The following MAD1L1 variants were observed in gnomAD, a reference collection of about 807,000 sequenced individuals.
MAD1L1 encodes mitotic arrest deficient 1 like 1, also known as mitotic spindle assembly checkpoint protein MAD1.
In MAD1L1, 95 loss-of-function variants were observed where a neutral mutation model predicts 96.9. The ratio of observed to expected loss-of-function variants is 0.98; its 90% CI spans 0.83 to 1.16. The LOEUF (loss-of-function observed/expected upper bound fraction) is 1.16. MAD1L1 is among the 50% of genes most tolerant of loss of function. The pLI is 0.00. For synonymous variants in MAD1L1, 473 were observed against 396.6 expected (o/e 1.19, Z -2.29); for missense variants, 1,007 against 954.4 (o/e 1.06, Z -0.73).
intron 10 of MAD1L1, among the ~76,000 whole-genome samples, chr7:2,161,536 G>A (rs1441324116): frequency 3.3e-5 from 5 of 152,246 alleles, no homozygotes; most frequent in Middle Eastern, 3.4e-3. Context: ...CCCCATCTAG[G>A]AAGTGAGGAG....
At chr7:1,972,231 C>G (rs10258118) in intron 15 of MAD1L1, among the ~76,000 whole-genome samples, 7,024 of 152,230 alleles carry the variant, frequency 0.046, 552 homozygotes, top group African/African-American at 0.16. Context: ...CACACATGCA[C>G]CCCCGTGCCT....
At chr7:1,887,916 TG>T (rs1386941007) in intron 18 of MAD1L1, among the ~76,000 whole-genome samples, 206 of 147,510 alleles carry the variant, frequency 1.4e-3, no homozygotes, top group South Asian at 2.9e-3. Flanking sequence ...TGTGCATGCA[TG>T]GCTGCGGCTG....
intron 10 of MAD1L1, among the ~76,000 whole-genome samples, chr7:2,168,761 C>T (rs548451416): frequency 2.4e-4 from 36 of 152,362 alleles, no homozygotes; most frequent in African/African-American, 7.7e-4. Flanking sequence ...CACCAAGGAG[C>T]TCTGGGAGGG....
chr7:1,839,529 G>T (rs1459233297), intron 18 of MAD1L1, among the ~76,000 whole-genome samples: 3 of 152,198 alleles, frequency 2.0e-5, no homozygotes, highest in Non-Finnish European at 4.4e-5. Flanking sequence ...CTTCACAAAG[G>T]CTCCAAAAAC....
At chr7:2,019,852 C>T (rs1782707568) in intron 12 of MAD1L1, among the ~76,000 whole-genome samples, 2 of 152,228 alleles carry the variant, frequency 1.3e-5, no homozygotes. Context: ...AACGCTTCGC[C>T]TCCTGTCTGT....
chr7:1,895,476 G>A (rs989077860), intron 18 of MAD1L1, among the ~76,000 whole-genome samples: 3 of 152,248 alleles, frequency 2.0e-5, no homozygotes, highest in East Asian at 3.8e-4. Context: ...AGCCCCGCCT[G>A]CAAACATCAA....
intron 18 of MAD1L1, among the ~76,000 whole-genome samples, chr7:1,836,694 A>G (rs1782952945): frequency 6.6e-6 from 1 of 152,242 alleles, no homozygotes; most frequent in Non-Finnish European, 1.5e-5. Flanking sequence ...GCAGGCTGAC[A>G]AAGATGCAAA....
intron 11 of MAD1L1, among the ~76,000 whole-genome samples, chr7:2,121,812 G>A (rs3778980): frequency 0.18 from 26,752 of 152,088 alleles, 2,846 homozygotes; most frequent in Middle Eastern, 0.33. Context: ...CCCTCCAGAC[G>A]GTGAGGTGTG....
At chr7:1,834,240 C>T (rs1333850882) in intron 18 of MAD1L1, among the ~76,000 whole-genome samples, 1 of 152,026 alleles carries the variant, frequency 6.6e-6, no homozygotes, top group Non-Finnish European at 1.5e-5. Context: ...GGTCTCAAAT[C>T]AGAGACTTCA....
chr7:1,871,209 G>T (rs1462408559), intron 18 of MAD1L1, among the ~76,000 whole-genome samples: 1 of 116,900 alleles, frequency 8.6e-6, no homozygotes, highest in African/African-American at 3.4e-5. Context: ...TGAACCCACC[G>T]TAACACCTGC....
chr7:2,159,659 C>T (rs568085296), intron 10 of MAD1L1, among the ~76,000 whole-genome samples: 2 of 152,294 alleles, frequency 1.3e-5, no homozygotes, highest in East Asian at 1.9e-4. Context: ...TCATATCATT[C>T]CAGAACAGTA....
At chr7:2,139,374 T>C (rs373001125) in intron 11 of MAD1L1, among the ~76,000 whole-genome samples, 2 of 149,070 alleles carry the variant, frequency 1.3e-5, no homozygotes, top group East Asian at 4.0e-4. Flanking sequence ...GCGGGAGCGC[T>C]GCGGGCCCCA....
intron 14 of MAD1L1, among the ~76,000 whole-genome samples, chr7:2,001,856 G>A (rs1477002874): frequency 6.6e-6 from 1 of 152,230 alleles, no homozygotes; most frequent in Admixed American, 6.5e-5. Flanking sequence ...CCGAGGGGCT[G>A]TGCTCCCCGC....
At chr7:2,137,458 G>A (rs1107351) in intron 11 of MAD1L1, among the ~76,000 whole-genome samples, 42,112 of 152,032 alleles carry the variant, frequency 0.28, 7,234 homozygotes, top group East Asian at 0.51. Flanking sequence ...GTCACAGAGC[G>A]GCAGGCATGT....
Position 2,216,013 on chromosome 7 carries a change from A to G in MAD1L1, c.810-14T>C, listed in dbSNP as rs1793253666. The G allele has an allele frequency of 6.2e-7, 1 of 1,613,634 alleles. No individual in the cohort carries two copies. The highest frequency in any genetic ancestry group is 8.5e-7 in the Non-Finnish European group (1 of 1,179,696). The stretch of plus-strand genomic sequence containing the variant: ...TCTCTCATCTCCCTGGCAGTGCCAC[A>G]AAGAGTCGCTCAAATAGCCACACAC... On this transcript the variant is annotated splice_polypyrimidine_tract_variant and intron_variant, in intron 8 of 18. Transcript: ENST00000265854.
chr7:2,106,822 G>A (rs1562693487), intron 11 of MAD1L1, among the ~76,000 whole-genome samples: 1 of 152,214 alleles, frequency 6.6e-6, no homozygotes, highest in Non-Finnish European at 1.5e-5. Flanking sequence ...TCTCTCAGCT[G>A]GGAGCCAGTC....
chr7:2,016,217 C>G (rs1231435657), intron 12 of MAD1L1, among the ~76,000 whole-genome samples: 1 of 152,200 alleles, frequency 6.6e-6, no homozygotes, highest in Non-Finnish European at 1.5e-5. Flanking sequence ...CACCCCTTCC[C>G]AACACACATG....
At chr7:1,840,871 T>C (rs1783214710) in intron 18 of MAD1L1, among the ~76,000 whole-genome samples, 1 of 152,236 alleles carries the variant, frequency 6.6e-6, no homozygotes, top group South Asian at 2.1e-4. Context: ...ACTCCCTGCA[T>C]GCCCCAGCCC....
At chr7:1,898,919 T>C (rs1010151705) in intron 17 of MAD1L1, among the ~76,000 whole-genome samples, 1 of 152,206 alleles carries the variant, frequency 6.6e-6, no homozygotes, top group African/African-American at 2.4e-5. Context: ...GGTTGCCGCC[T>C]GGGTCCTTTC....
Sources: gnomAD v4.1 joint callset for allele counts (sites outside exome capture counted in the v4.1 genomes callset) on GRCh38, gnomAD v4.1.1 for gene constraint, MANE v1.5 for transcripts, NCBI Gene and HGNC (gene_info 2026-07-23, HGNC 2026-07-21) for gene names.